The following SAMSN1 variants were observed in gnomAD, a reference collection of about 807,000 sequenced individuals.
SAMSN1 encodes SAM domain-containing protein SAMSN-1.
Under a neutral mutation model 42.0 loss-of-function variants are expected in SAMSN1, and 31 were observed. The ratio of observed to expected loss-of-function variants is 0.74; its 90% CI spans 0.55 to 1.00. The LOEUF is 1.00. Among genes scored for constraint, SAMSN1 ranks in the 50% least tolerant of loss-of-function variants. SAMSN1 has a pLI of 0.00. For synonymous variants in SAMSN1, 178 were observed against 151.9 expected (o/e 1.17, Z -1.26); for missense variants, 464 against 439.4 (o/e 1.06, Z -0.50).
At chr21:14,619,617 G>T in intron 2 of SAMSN1, 1 of 296,798 alleles carries the variant, frequency 3.4e-6, no homozygotes, top group Non-Finnish European at 7.2e-6. Context: ...ACCAGACACT[G>T]TTGTAGGGGA....
intron 2 of SAMSN1, among the ~76,000 whole-genome samples, chr21:14,622,409 G>C (rs539030327): frequency 2.2e-4 from 34 of 152,324 alleles, no homozygotes; most frequent in Non-Finnish European, 4.0e-4. Flanking sequence ...AGAATAACCA[G>C]TGTAGAGAAG....
intron 2 of SAMSN1, among the ~76,000 whole-genome samples, chr21:14,577,255 TATATATATATATATATATATATA>T (rs1981514517): frequency 5.0e-5 from 2 of 40,010 alleles, no homozygotes; most frequent in African/African-American, 3.6e-4. Context: ...TATATATATA[TATATATATATATATATATATATA>T]TATATATTTT....
Position 14,644,828 on chromosome 21 carries a change from C to T in SAMSN1, c.25-1695G>A, listed in dbSNP as rs555273779. Among the ~76,000 whole-genome samples, 212 of 152,084 alleles carry T rather than the reference C, an allele frequency of 1.4e-3. 1 individual carries two copies. Among genetic ancestry groups the T allele is most frequent in the African/African-American group, 4.7e-3 (193 of 41,484 alleles). ...TAAATCCCAGGCCAGGTAGCATTCACAAAAAGCTGACTTAAGAGACCTTGG... is the reference window on the plus strand; with the variant it reads ...TAAATCCCAGGCCAGGTAGCATTCATAAAAAGCTGACTTAAGAGACCTTGG... On this transcript the variant is annotated intron_variant, in intron 1 of 15. Transcript: ENST00000647101.
rs539803188 is a variant in SAMSN1 at position 14,646,034 on chromosome 21, G to T, written c.25-2901C>A. 9.2e-5 allele frequency among the ~76,000 whole-genome samples: 14 copies of T among 152,236 alleles called. No individual in the cohort carries two copies. The South Asian group carries it at 2.9e-3, about 32-fold the overall frequency. On this transcript the variant is annotated intron_variant, in intron 1 of 15. Coordinates refer to the SAMSN1 transcript ENST00000647101. ...CAGGATCTAGAAAATTGCCTCAAAA[G>T]GGCAAATCTAAGAGTTATTGGCCTT...
At chr21:14,562,132 A>T (rs151052401) in intron 2 of SAMSN1, among the ~76,000 whole-genome samples, 2,368 of 152,324 alleles carry the variant, frequency 0.016, 37 homozygotes, top group Non-Finnish European at 0.019. Flanking sequence ...ATACATTTAC[A>T]TGGGGTGGGG....
intron 2 of SAMSN1, among the ~76,000 whole-genome samples, chr21:14,619,401 C>G (rs1982941745): frequency 5.3e-5 from 8 of 152,142 alleles, no homozygotes. Context: ...GACTGTAGAG[C>G]TGATGCAAAC....
rs370472397 is a variant in SAMSN1 at position 14,544,902 on chromosome 21, C to A, written c.57+1303G>T. On this transcript the variant is annotated intron_variant, in intron 1 of 7. Coordinates refer to ENST00000400566, the MANE Select transcript of SAMSN1 (RefSeq NM_022136.5). ...ATTAACTTTTATGATCTTCCCTAAA[C>A]CTACTATTGTTAACTATTTGTTGTA... Among the ~76,000 whole-genome samples the A allele has an allele frequency of 5.3e-5, 8 of 152,170 alleles. No individual in the cohort carries two copies. In the South Asian group the frequency reaches 1.7e-3, roughly 32 times the overall value.
intron 1 of SAMSN1, among the ~76,000 whole-genome samples, chr21:14,646,086 G>T (rs1983708286): frequency 6.6e-6 from 1 of 152,086 alleles, no homozygotes; most frequent in South Asian, 2.1e-4. Context: ...AAGAGATAGG[G>T]ATAGAAAGTT....
At chr21:14,617,870 G>C (rs2123336417) in intron 2 of SAMSN1, among the ~76,000 whole-genome samples, 1 of 152,328 alleles carries the variant, frequency 6.6e-6, no homozygotes, top group South Asian at 2.1e-4. Context: ...AATTTGGAAA[G>C]AAGATGTATT....
chr21:14,579,909 C>CA (rs1307903438), intron 2 of SAMSN1, among the ~76,000 whole-genome samples: 1 of 152,080 alleles, frequency 6.6e-6, no homozygotes, highest in Non-Finnish European at 1.5e-5. Flanking sequence ...GGTTAAGTTC[C>CA]ATGAAGATGA....
intron 5 of SAMSN1, among the ~76,000 whole-genome samples, chr21:14,507,739 C>G (rs934609527): frequency 6.6e-6 from 1 of 151,672 alleles, no homozygotes; most frequent in African/African-American, 2.4e-5. Flanking sequence ...CTTGCATAGC[C>G]AAAGCAAACT....
At chr21:14,601,960 A>G (rs1313781504) in intron 6 of SAMSN1, 3 of 601,302 alleles carry the variant, frequency 5.0e-6, no homozygotes, top group African/African-American at 3.7e-5. Context: ...TGCCTAATAT[A>G]TTACAGAGCT....
chr21:14,560,550 A>G (rs1157743671), intron 2 of SAMSN1, among the ~76,000 whole-genome samples: 1 of 152,222 alleles, frequency 6.6e-6, no homozygotes, highest in East Asian at 1.9e-4. Flanking sequence ...AAACTGAGAG[A>G]GAAGAGGGGT....
intron 4 of SAMSN1, among the ~76,000 whole-genome samples, chr21:14,610,869 C>T (rs937863157): frequency 3.9e-5 from 6 of 152,172 alleles, no homozygotes; most frequent in African/African-American, 1.2e-4. Flanking sequence ...GTTACTTTAA[C>T]GTCTCTTGAT....
chr21:14,644,261 C>A (rs1016442000), intron 1 of SAMSN1, among the ~76,000 whole-genome samples: 1 of 151,992 alleles, frequency 6.6e-6, no homozygotes, highest in Non-Finnish European at 1.5e-5. Flanking sequence ...CAAAAGAGAC[C>A]CCTTCCTTCT....
intron 2 of SAMSN1, among the ~76,000 whole-genome samples, chr21:14,567,533 C>T (rs1315359378): frequency 6.6e-6 from 1 of 152,010 alleles, no homozygotes; most frequent in Admixed American, 6.6e-5. Flanking sequence ...GATTTTTAGC[C>T]CAGTCGGTTG....
intron 2 of SAMSN1, among the ~76,000 whole-genome samples, chr21:14,620,673 T>G (rs1206987721): frequency 2.0e-5 from 3 of 152,230 alleles, no homozygotes; most frequent in African/African-American, 4.8e-5. Context: ...ACTGTTGATC[T>G]CAGAATCCTA....
At chr21:14,600,000 G>C (rs1600955838) in intron 6 of SAMSN1, among the ~76,000 whole-genome samples, 1 of 152,152 alleles carries the variant, frequency 6.6e-6, no homozygotes, top group East Asian at 1.9e-4. Context: ...CCACTTCCTA[G>C]GCTCCAGTCA....
intron 2 of SAMSN1, among the ~76,000 whole-genome samples, chr21:14,618,700 GCGCA>G (rs1194859139): frequency 1.1e-3 from 164 of 145,218 alleles, no homozygotes; most frequent in East Asian, 9.9e-3. Flanking sequence ...GTGCGCGCGC[GCGCA>G]CGCGCGTGTG....
Sources: allele counts gnomAD v4.1 joint callset (sites outside exome capture counted in the v4.1 genomes callset), GRCh38; gene constraint gnomAD v4.1.1; transcripts MANE v1.5; gene names NCBI Gene and HGNC (gene_info 2026-07-23, HGNC 2026-07-21).